The following ROS1 variants were observed in gnomAD, a reference collection of about 807,000 sequenced individuals.
The protein encoded by ROS1 is proto-oncogene tyrosine-protein kinase ROS.
A neutral mutation model predicts 273.5 loss-of-function variants in ROS1; 263 were observed. That is an observed-to-expected ratio of 0.96 (90% confidence interval 0.87 to 1.06). The LOEUF (loss-of-function observed/expected upper bound fraction) is 1.06. Ranked by LOEUF, ROS1 falls within the 50% of genes least tolerant of loss-of-function variation. The pLI, the probability that ROS1 is intolerant of heterozygous loss-of-function variation, is 0.00. For synonymous variants in ROS1, 1,008 were observed against 954.1 expected (o/e 1.06, Z -1.04); for missense variants, 2,833 against 2,751.1 (o/e 1.03, Z -0.67).
Position 117,310,205 on chromosome 6 carries a change from CAA to C in ROS1, c.6290_6291del (p.Phe2097TrpfsTer8), listed in dbSNP as rs749948336. On this transcript the variant is annotated frameshift_variant, in exon 41 of 44. Coordinates refer to ENST00000368507, the MANE Select transcript of ROS1 (RefSeq NM_001378902.1). LOFTEE classifies it high-confidence loss of function. ...TTTTTATAGATGTCTCTGGCGAGTC[CAA>C]AGTCTCCAATCTTCACTATCCGTGG... ...TSPRIVKIGDFGLARDIYKND... is the reference protein window; with the variant it reads ...TSPRIVKIGDXGLARDIYKND... 1.2e-6 allele frequency: 2 copies of C among 1,613,168 alleles called. No homozygotes were observed. Among genetic ancestry groups the C allele is most frequent in the South Asian group, 1.1e-5 (1 of 91,058 alleles).
intron 6 of ROS1, among the ~76,000 whole-genome samples, 196 bp from the exon 7 acceptor site, chr6:117,403,473 A>C (rs1420939573): frequency 6.6e-6 from 1 of 152,152 alleles, no homozygotes; most frequent in Non-Finnish European, 1.5e-5. Flanking sequence ...AAATAGCAAA[A>C]TTATGGATTC....
intron 18 of ROS1, among the ~76,000 whole-genome samples, chr6:117,377,794 C>T (rs1354127649): frequency 1.3e-5 from 2 of 151,158 alleles, no homozygotes; most frequent in Non-Finnish European, 2.9e-5. Flanking sequence ...ATATTCACAA[C>T]ACATATTTTG....
At chr6:117,300,312 AG>A (rs1238316339) in intron 43 of ROS1, among the ~76,000 whole-genome samples, 1 of 151,866 alleles carries the variant, frequency 6.6e-6, no homozygotes, top group Admixed American at 6.6e-5. Flanking sequence ...GATCTTAGCA[AG>A]ACCTGATCCA....
intron 34 of ROS1, among the ~76,000 whole-genome samples, 161 bp downstream of exon 34, chr6:117,326,063 G>T (rs1298548602): frequency 7.4e-6 from 1 of 135,392 alleles, no homozygotes; most frequent in African/African-American, 2.8e-5. Flanking sequence ...CACATGAATG[G>T]AATAGTTTAA....
chr6:117,311,100 G>T lies in ROS1; in HGVS notation c.6135C>A (p.Leu2045=). Residue 2045 remains leucine (L), a synonymous_variant, in exon 40 of 44, where the codon CTC becomes CTA. Transcript: ENST00000368507. ...ACAGGTCTACAAGGTCAACCAAGGTGAGTAAAGGACCATAAAACTGTAAGA... is the reference window on the plus strand; with the variant it reads ...ACAGGTCTACAAGGTCAACCAAGGTTAGTAAAGGACCATAAAACTGTAAGA... ...ARMATFYGPL[L]TLVDLVDLCV... The T allele has an allele frequency of 1.2e-6, 2 of 1,607,854 alleles. No homozygotes were observed. The highest frequency in any genetic ancestry group is 1.7e-6 in the Non-Finnish European group (2 of 1,176,706).
At chr6:117,299,816 T>A (rs960544760) in intron 43 of ROS1, among the ~76,000 whole-genome samples, 5 of 152,210 alleles carry the variant, frequency 3.3e-5, no homozygotes, top group Non-Finnish European at 7.3e-5. Flanking sequence ...TAACAGTAAA[T>A]GTGACTTTAG....
Position 117,288,450 on chromosome 6 carries a change from T to G in ROS1, c.*42A>C, listed in dbSNP as rs1375439530. 1.4e-6 allele frequency: 2 copies of G among 1,460,718 alleles called. No homozygotes were observed. Among genetic ancestry groups the G allele is most frequent in the Non-Finnish European group, 1.9e-6 (2 of 1,063,934 alleles). The allele number at this position is 1,460,718 out of a possible 1,614,324, so 90.5% of individuals were successfully genotyped here. ...GAGTTTTCTTTCAGTAACTACTGAA[T>G]GAGAGTGTTTATCTCAACTCTCTAT... On this transcript the variant is annotated 3_prime_UTR_variant, in exon 44 of 44. Coordinates refer to ENST00000368507, the MANE Select transcript of ROS1 (RefSeq NM_001378902.1).
At chr6:117,331,705 G>T (rs191840146) in intron 32 of ROS1, among the ~76,000 whole-genome samples, 45 of 152,232 alleles carry the variant, frequency 3.0e-4, no homozygotes, top group African/African-American at 1.0e-3. Context: ...TTAAAGAAAA[G>T]AATTTTCAAC....
At chr6:117,404,728 C>T (rs1774259718) in intron 5 of ROS1, among the ~76,000 whole-genome samples, 1 of 152,166 alleles carries the variant, frequency 6.6e-6, no homozygotes, top group Non-Finnish European at 1.5e-5. Flanking sequence ...TTTTCTCTTT[C>T]AATACCACTC....
intron 5 of ROS1, among the ~76,000 whole-genome samples, chr6:117,407,965 G>T (rs1774557169): frequency 6.6e-6 from 1 of 152,068 alleles, no homozygotes. Flanking sequence ...AATGGGGAAA[G>T]GATTCCCTAT....
At chr6:117,368,337 G>GA (rs1288264034) in intron 18 of ROS1, among the ~76,000 whole-genome samples, 2 of 151,824 alleles carry the variant, frequency 1.3e-5, no homozygotes, top group East Asian at 3.9e-4. Flanking sequence ...TCTCTCTTTA[G>GA]AAAAATATAA....
At position 117,379,171 on chromosome 6, in the gene ROS1, G is replaced by T. The variant is rs192045263; in HGVS notation, c.2482-12C>A. On this transcript the variant is annotated splice_polypyrimidine_tract_variant and intron_variant, in intron 17 of 43. Transcript: ENST00000368507. ...GTTAGAGCAATTACCTAAGTAGAAAGTAAGGTAAGAAAATAAACCAAATAC... is the reference window on the plus strand; with the variant it reads ...GTTAGAGCAATTACCTAAGTAGAAATTAAGGTAAGAAAATAAACCAAATAC... 9.7e-6 allele frequency: 15 copies of T among 1,546,028 alleles called. No individual in the cohort carries two copies. The highest frequency in any genetic ancestry group is 1.3e-5 in the Non-Finnish European group (14 of 1,119,328).
chr6:117,396,690 A>G (rs1423320408), intron 8 of ROS1, among the ~76,000 whole-genome samples: 3 of 152,180 alleles, frequency 2.0e-5, no homozygotes, highest in African/African-American at 7.2e-5. Flanking sequence ...ATTTATAAGT[A>G]TCCTCTGAAT....
chr6:117,304,685 T>C (rs1333195167), intron 42 of ROS1, among the ~76,000 whole-genome samples: 2 of 152,222 alleles, frequency 1.3e-5, no homozygotes, highest in African/African-American at 4.8e-5. Context: ...ATTAGTTGAC[T>C]AGGTTGTCAG....
chr6:117,408,020 C>G lies in ROS1; in HGVS notation c.316+1562G>C, dbSNP rs11153659. Reference sequence around the variant, plus strand: ...ATACTGGCTAGCCATATGTAGAAAGCTGAAACTGGATCCCTTCCTTACACC... The same window carrying G: ...ATACTGGCTAGCCATATGTAGAAAGGTGAAACTGGATCCCTTCCTTACACC... On this transcript the variant is annotated intron_variant, in intron 5 of 43. Coordinates refer to ENST00000368507, the MANE Select transcript of ROS1 (RefSeq NM_001378902.1). 5.2e-4 allele frequency among the ~76,000 whole-genome samples: 79 copies of G among 152,150 alleles called. 1 individual carries two copies. Among genetic ancestry groups the G allele is most frequent in the East Asian group, 3.7e-3 (19 of 5,184 alleles).
chr6:117,412,512 T>C (rs1047197639), intron 4 of ROS1, among the ~76,000 whole-genome samples: 5 of 152,126 alleles, frequency 3.3e-5, no homozygotes, highest in Non-Finnish European at 7.4e-5. Flanking sequence ...ACAAGCTTCC[T>C]ACGTTCAAAC....
At chr6:117,394,448 T>C (rs1178245569) in intron 10 of ROS1, 102 bp from the exon 11 acceptor site, 43 of 853,940 alleles carry the variant, frequency 5.0e-5, no homozygotes, top group Non-Finnish European at 6.6e-5. Context: ...TAAATTAAAA[T>C]AGAAGTATTT....
rs199659301 is a variant in ROS1 at position 117,319,833 on chromosome 6, T to C, written c.5922+35A>G. ...AGGTCAATCTTTGTAGATATGGTGA[T>C]ATAATGTGTCAAGGAGTTCGAAGAT... On this transcript the variant is annotated intron_variant, in intron 37 of 43. Coordinates refer to ENST00000368507, the MANE Select transcript of ROS1 (RefSeq NM_001378902.1). 8 of 1,582,796 alleles carry C rather than the reference T, an allele frequency of 5.1e-6. No homozygotes were observed. In the African/African-American group the frequency reaches 5.4e-5, roughly 11 times the overall value.
chr6:117,318,328 T>G, intron 37 of ROS1, 76 bp from the exon 38 acceptor site: 1 of 1,033,452 alleles, frequency 9.7e-7, no homozygotes, highest in Admixed American at 1.7e-5. Context: ...TGGAGATTGT[T>G]CTGTTTGTTC....
Sources: gnomAD v4.1 joint callset for allele counts (sites outside exome capture counted in the v4.1 genomes callset) on GRCh38, gnomAD v4.1.1 for gene constraint, MANE v1.5 for transcripts, NCBI Gene and HGNC (gene_info 2026-07-23, HGNC 2026-07-21) for gene names.